The following RDH14 variants were observed in gnomAD, a reference collection of about 807,000 sequenced individuals.
RDH14 encodes retinol dehydrogenase 14, also known as alcohol dehydrogenase PAN2.
A neutral mutation model predicts 19.3 loss-of-function variants in RDH14; 17 were observed. The observed-to-expected ratio is 0.88, with a 90% CI of 0.60 to 1.32. The LOEUF (loss-of-function observed/expected upper bound fraction) is 1.32. RDH14 is among the 40% of genes most tolerant of loss of function. The pLI, the probability that RDH14 is intolerant of heterozygous loss-of-function variation, is 0.00. For missense variants in RDH14, 534 were observed against 449.2 expected (o/e 1.19, Z -1.71); for synonymous variants, 215 against 188.9 (o/e 1.14, Z -1.13).
Position 18,560,382 on chromosome 2 carries a change from A to T in RDH14, c.191T>A (p.Leu64Gln). The change falls in exon 1 of 2, where the codon CTG (leucine) becomes CAG (glutamine). Residue 64 changes from leucine (L) to glutamine (Q), a missense_variant. By Grantham distance (113) the Leu-to-Gln change is moderately radical (BLOSUM62 -2). Transcript: ENST00000381249. ...GLGRATAAEL[L>Q]RLGARVIMGC... The stretch of plus-strand genomic sequence containing the variant: ...CATGATCACCCGCGCTCCCAGGCGC[A>T]GTAGCTCGGCGGCCGTGGCGCGGCC... 1 of 1,477,698 alleles carries T rather than the reference A, an allele frequency of 6.8e-7. No individual in the cohort carries two copies. The highest frequency in any genetic ancestry group is 8.9e-7 in the Non-Finnish European group (1 of 1,123,382). 91.5% of individuals were successfully genotyped at this position (1,477,698 alleles called of 1,614,324 possible).
chr2:18,560,422 C>T lies in RDH14; in HGVS notation c.151G>A (p.Ala51Thr). 1 of 1,504,326 alleles carries T rather than the reference C, an allele frequency of 6.6e-7. No homozygotes were observed. Among genetic ancestry groups the T allele is most frequent in the Non-Finnish European group, 8.8e-7 (1 of 1,135,544 alleles). The allele number at this position is 1,504,326 out of a possible 1,614,324, so 93.2% of individuals were successfully genotyped here. ...MHGKTVLITG[A>T]NSGLGRATAA... ...GTGGCGCGGCCCAGGCCGCTGTTCG[C>T]CCCGGTGATCAGCACAGTCTTCCCG... is the stretch of plus-strand genomic sequence containing the variant. The change falls in exon 1 of 2, where the codon GCG (alanine) becomes ACG (threonine). Residue 51 changes from alanine to threonine, a missense_variant. Physicochemically the swap from Ala to Thr is moderately conservative, Grantham distance 58 (BLOSUM62 0). Coordinates refer to ENST00000381249, the MANE Select transcript of RDH14 (RefSeq NM_020905.4).
In RDH14 at chr2:18,554,947, TG is replaced by T. The variant is rs1663867795; in HGVS notation, c.*243del. On this transcript the variant is annotated 3_prime_UTR_variant, in exon 2 of 2. Coordinates refer to ENST00000381249, the MANE Select transcript of RDH14 (RefSeq NM_020905.4). ...CCCAGTTATAATTTTACAATATAAT[TG>T]TATTTTTCATTGTACTTATTATTCA... 7.4e-6 allele frequency: 3 copies of T among 405,594 alleles called. No individual in the cohort carries two copies. Among genetic ancestry groups the T allele is most frequent in the Middle Eastern group, 6.9e-4 (1 of 1,444 alleles). 25.1% of individuals were successfully genotyped at this position (405,594 alleles called of 1,614,324 possible).
chr2:18,560,359 T>A lies in RDH14; in HGVS notation c.214A>T (p.Met72Leu). 1 of 1,444,800 alleles carries A rather than the reference T, an allele frequency of 6.9e-7. No individual in the cohort carries two copies. The highest frequency in any genetic ancestry group is 9.0e-7 in the Non-Finnish European group (1 of 1,110,010). The allele number at this position is 1,444,800 out of a possible 1,614,324, so 89.5% of individuals were successfully genotyped here. The change falls in exon 1 of 2, where the codon ATG becomes TTG. Residue 72 changes from methionine (M) to leucine (L), a missense_variant. Transcript: ENST00000381249. The part of the protein sequence containing the change: ...ELLRLGARVI[M>L]GCRDRARAEE... ...GCGCGCGCGCGGTCCCGGCAGCCCA[T>A]GATCACCCGCGCTCCCAGGCGCAGT...
Position 18,560,352 on chromosome 2 carries a change from C to A in RDH14, c.221G>T (p.Cys74Phe). ...CTCCTCGGCGCGCGCGCGGTCCCGG[C>A]AGCCCATGATCACCCGCGCTCCCAG... ...LRLGARVIMG[C>F]RDRARAEEAA... Residue 74 changes from cysteine to phenylalanine, a missense_variant, in exon 1 of 2, where the codon TGC becomes TTC. Coordinates refer to ENST00000381249, the MANE Select transcript of RDH14 (RefSeq NM_020905.4). 7.0e-7 allele frequency: 1 copy of A among 1,428,308 alleles called. No homozygotes were observed. The allele number at this position is 1,428,308 out of a possible 1,614,324, so 88.5% of individuals were successfully genotyped here. A position where few individuals can be genotyped will look rare whatever the true frequency, so the allele number is the denominator to read the frequency against.
In RDH14 at chr2:18,555,793, C is replaced by T. The variant is rs759724081; in HGVS notation, c.409G>A (p.Asp137Asn). The T allele has an allele frequency of 6.2e-7, 1 of 1,606,324 alleles. No homozygotes were observed. Among genetic ancestry groups the T allele is most frequent in the Non-Finnish European group, 8.5e-7 (1 of 1,174,692 alleles). Residue 137 changes from aspartate (D) to asparagine (N), a missense_variant, in exon 2 of 2, where the codon GAT becomes AAT. By Grantham distance (23) the Asp-to-Asn change is conservative. Coordinates refer to ENST00000381249, the MANE Select transcript of RDH14 (RefSeq NM_020905.4). The stretch of plus-strand genomic sequence containing the variant: ...ATCCCTGCGTTATTGATCAAGACAT[C>T]CAGCCTAGGCTCTTCCTTTAAATGT... ...QEMLQEEPRLDVLINNAGIFQ... is the reference protein window; with the variant it reads ...QEMLQEEPRLNVLINNAGIFQ...
In RDH14 at chr2:18,560,369, C is replaced by T; in HGVS notation, c.204G>A (p.Ala68=). The change falls in exon 1 of 2, where the codon GCG becomes GCA. Residue 68 remains alanine (A), a synonymous_variant. Coordinates refer to ENST00000381249, the MANE Select transcript of RDH14 (RefSeq NM_020905.4). ...GGTCCCGGCAGCCCATGATCACCCGCGCTCCCAGGCGCAGTAGCTCGGCGG... is the reference window on the plus strand; with the variant it reads ...GGTCCCGGCAGCCCATGATCACCCGTGCTCCCAGGCGCAGTAGCTCGGCGG... ...ATAAELLRLG[A]RVIMGCRDRA... The T allele has an allele frequency of 6.8e-7, 1 of 1,460,758 alleles. No homozygotes were observed. Among genetic ancestry groups the T allele is most frequent in the Non-Finnish European group, 9.0e-7 (1 of 1,116,446 alleles). 90.5% of individuals were successfully genotyped at this position (1,460,758 alleles called of 1,614,324 possible).
chr2:18,557,005 TAATC>T (rs1019755988), intron 1 of RDH14, among the ~76,000 whole-genome samples: 3 of 151,978 alleles, frequency 2.0e-5, no homozygotes, highest in African/African-American at 7.3e-5. Flanking sequence ...AAGAAAAAAA[TAATC>T]AGGTAATATA....
Position 18,555,309 on chromosome 2 carries a change from A to G in RDH14, c.893T>C (p.Val298Ala). ...YLASSPEVEG[V>A]SGRYFGDCKE... is the part of the protein sequence containing the mutation. ...ACAATCCCCAAAGTATCTTCCTGACACTCCTTCTACCTCAGGTGAAGAGGC... is the reference window on the plus strand; with the variant it reads ...ACAATCCCCAAAGTATCTTCCTGACGCTCCTTCTACCTCAGGTGAAGAGGC... The change falls in exon 2 of 2, where the codon GTG (valine) becomes GCG (alanine). Residue 298 changes from valine (V) to alanine (A), a missense_variant. Val to Ala is a moderately conservative substitution (Grantham distance 64, BLOSUM62 0). Coordinates refer to ENST00000381249, the MANE Select transcript of RDH14 (RefSeq NM_020905.4). 2 of 1,613,644 alleles carry G rather than the reference A, an allele frequency of 1.2e-6. No homozygotes were observed. The highest frequency in any genetic ancestry group is 1.7e-6 in the Non-Finnish European group (2 of 1,179,884).
intron 1 of RDH14, among the ~76,000 whole-genome samples, chr2:18,556,945 G>A (rs2148052992): frequency 6.6e-6 from 1 of 152,026 alleles, no homozygotes; most frequent in Admixed American, 6.6e-5. Context: ...ACTTAACACT[G>A]GAGAGAACAT....
chr2:18,560,227 G>C lies in RDH14; in HGVS notation c.346C>G (p.Leu116Val), dbSNP rs1201808082. 2.6e-6 allele frequency: 4 copies of C among 1,527,264 alleles called. No individual in the cohort carries two copies. In the Admixed American group the frequency reaches 7.9e-5, roughly 30 times the overall value. 94.6% of individuals were successfully genotyped at this position (1,527,264 alleles called of 1,614,324 possible). The part of the protein sequence containing the change: ...VGELIVRELD[L>V]ASLRSVRAFC... ...GCGCGCACCGAGCGCAGCGAGGCGA[G>C]GTCCAGCTCCCGGACTATGAGCTCG... The change falls in exon 1 of 2, where the codon CTC becomes GTC. Residue 116 changes from leucine to valine, a missense_variant. Transcript: ENST00000381249.
intron 1 of RDH14, among the ~76,000 whole-genome samples, chr2:18,556,482 T>C (rs1261961033): frequency 6.6e-6 from 1 of 151,776 alleles, no homozygotes; most frequent in Non-Finnish European, 1.5e-5. Flanking sequence ...GAGAGAAAAA[T>C]AGAAAAAAAA....
chr2:18,555,864 CT>C, intron 1 of RDH14, 56 bp from the exon 2 acceptor site: 2 of 1,518,322 alleles, frequency 1.3e-6, no homozygotes, highest in Non-Finnish European at 1.8e-6. Flanking sequence ...CCTTGTATTG[CT>C]TTTTCTGTTC....
At position 18,560,541 on chromosome 2, in the gene RDH14, G is replaced by A; in HGVS notation, c.32C>T (p.Ala11Val). ...CAGCCACAGCGCCCCGCCCAGAGCGGCCAGTACTGCCGCCGCAGTGGCCAC... is the reference window on the plus strand; with the variant it reads ...CAGCCACAGCGCCCCGCCCAGAGCGACCAGTACTGCCGCCGCAGTGGCCAC... MAVATAAAVL[A>V]ALGGALWLAA... is the part of the protein sequence containing the mutation. Residue 11 changes from alanine (A) to valine (V), a missense_variant, in exon 1 of 2, where the codon GCC (alanine) becomes GTC (valine). Transcript: ENST00000381249. 4 of 1,505,112 alleles carry A rather than the reference G, an allele frequency of 2.7e-6. No homozygotes were observed. Among genetic ancestry groups the A allele is most frequent in the Admixed American group, 2.1e-5 (1 of 47,742 alleles). 93.2% of individuals were successfully genotyped at this position (1,505,112 alleles called of 1,614,324 possible). A position where few individuals can be genotyped will look rare whatever the true frequency, so the allele number is the denominator to read the frequency against.
At chr2:18,556,967 C>A (rs893101251) in intron 1 of RDH14, among the ~76,000 whole-genome samples, 1 of 151,678 alleles carries the variant, frequency 6.6e-6, no homozygotes, top group Non-Finnish European at 1.5e-5. Context: ...ATGAATAAAT[C>A]GAGATTCATA....
intron 1 of RDH14, among the ~76,000 whole-genome samples, chr2:18,557,694 A>G (rs1160813859): frequency 2.0e-5 from 3 of 152,134 alleles, no homozygotes; most frequent in Non-Finnish European, 2.9e-5. Flanking sequence ...GCCAGGCAGG[A>G]ACAGAAATAC....
At chr2:18,559,626 T>C (rs1459602946) in intron 1 of RDH14, among the ~76,000 whole-genome samples, 1 of 152,168 alleles carries the variant, frequency 6.6e-6, no homozygotes, top group Admixed American at 6.5e-5. Context: ...GGTTCCAAAA[T>C]GTATTCTACT....
chr2:18,555,836 A>C (rs1292869086), intron 1 of RDH14, 28 bp from the exon 2 acceptor site: 1 of 1,571,374 alleles, frequency 6.4e-7, no homozygotes, highest in Admixed American at 1.9e-5. Flanking sequence ...AGAATGGCAG[A>C]ATTATTAAGA....
chr2:18,555,534 G>C lies in RDH14; in HGVS notation c.668C>G (p.Ala223Gly). The C allele has an allele frequency of 2.5e-6, 4 of 1,614,142 alleles. No homozygotes were observed. Among genetic ancestry groups the C allele is most frequent in the Non-Finnish European group, 2.5e-6 (3 of 1,180,002 alleles). ...TAGTTCCCTGGTAAAAAGAATGTTAGCCAGTTTGCTCCGGCTATAACAAAA... is the reference window on the plus strand; with the variant it reads ...TAGTTCCCTGGTAAAAAGAATGTTACCCAGTTTGCTCCGGCTATAACAAAA... Reference protein sequence around the residue: ...KSFCYSRSKLANILFTRELAR... With the variant: ...KSFCYSRSKLGNILFTRELAR... The change falls in exon 2 of 2, where the codon GCT becomes GGT. Residue 223 changes from alanine to glycine, a missense_variant. By Grantham distance (60) the Ala-to-Gly change is moderately conservative. Transcript: ENST00000381249.
At position 18,560,540 on chromosome 2, in the gene RDH14, G is replaced by C; in HGVS notation, c.33C>G (p.Ala11=). Residue 11 remains alanine, a synonymous_variant, in exon 1 of 2, where the codon GCC becomes GCG. Coordinates refer to ENST00000381249, the MANE Select transcript of RDH14 (RefSeq NM_020905.4). The stretch of plus-strand genomic sequence containing the variant: ...CCAGCCACAGCGCCCCGCCCAGAGC[G>C]GCCAGTACTGCCGCCGCAGTGGCCA... The part of the protein sequence containing the change: MAVATAAAVL[A]ALGGALWLAA... 1 of 1,505,406 alleles carries C rather than the reference G, an allele frequency of 6.6e-7. No homozygotes were observed. The highest frequency in any genetic ancestry group is 8.8e-7 in the Non-Finnish European group (1 of 1,135,330). 93.3% of individuals were successfully genotyped at this position (1,505,406 alleles called of 1,614,324 possible).
Sources: gnomAD v4.1 joint callset for allele counts (sites outside exome capture counted in the v4.1 genomes callset) on GRCh38, gnomAD v4.1.1 for gene constraint, MANE v1.5 for transcripts, NCBI Gene and HGNC (gene_info 2026-07-23, HGNC 2026-07-21) for gene names.